ZBTB7C: variants seen among roughly 807,000 people sequenced by gnomAD.
ZBTB7C encodes zinc finger and BTB domain-containing protein 7C.
A neutral mutation model predicts 25.7 loss-of-function variants in ZBTB7C; 8 were observed. That is an observed-to-expected ratio of 0.31 (90% CI 0.18 to 0.56). The LOEUF (loss-of-function observed/expected upper bound fraction) is 0.56. ZBTB7C is among the 20% of genes least tolerant of loss of function. The pLI is 0.91. For synonymous variants in ZBTB7C, 394 were observed against 369.0 expected (o/e 1.07, Z -0.78); for missense variants, 824 against 855.2 (o/e 0.96, Z 0.46).
chr18:48,377,408 G>C (rs185594580), intron 1 of ZBTB7C, among the ~76,000 whole-genome samples: 43 of 152,272 alleles, frequency 2.8e-4, no homozygotes, highest in East Asian at 5.8e-4. Flanking sequence ...CTTGGGGAAG[G>C]GGGTGGGAGA....
At position 48,110,364 on chromosome 18, in the gene ZBTB7C, G is replaced by A. The variant is rs1012662192; in HGVS notation, c.-16-69241C>T. 7.2e-5 allele frequency among the ~76,000 whole-genome samples: 11 copies of A among 152,070 alleles called. No homozygotes were observed. The East Asian group carries it at 1.3e-3, about 19-fold the overall frequency. On this transcript the variant is annotated intron_variant, in intron 3 of 4. Coordinates refer to ENST00000590800, the MANE Select transcript of ZBTB7C (RefSeq NM_001318841.2). ...TTCAAAGAGCCGCACTCTAAAAGCC[G>A]CTTCTTCCTGGGCACCTCTTAGCCA...
intron 2 of ZBTB7C, among the ~76,000 whole-genome samples, chr18:48,287,814 T>C (rs763331096): frequency 6.6e-6 from 1 of 152,236 alleles, no homozygotes; most frequent in Non-Finnish European, 1.5e-5. Flanking sequence ...ACTAATCATA[T>C]AGTCATCTTA....
At chr18:48,260,741 C>A (rs1242769730) in intron 2 of ZBTB7C, among the ~76,000 whole-genome samples, 1 of 152,194 alleles carries the variant, frequency 6.6e-6, no homozygotes, top group Non-Finnish European at 1.5e-5. Context: ...GCACAAGACA[C>A]CAGTGAAGGC....
chr18:48,103,469 C>T (rs1196621208), intron 3 of ZBTB7C, among the ~76,000 whole-genome samples: 1 of 152,070 alleles, frequency 6.6e-6, no homozygotes. Context: ...GAATCCATCC[C>T]CAGCAACAAA....
Position 48,040,843 on chromosome 18 carries a change from G to C in ZBTB7C, c.265C>G (p.Leu89Val). Reference sequence around the variant, plus strand: ...AGCGTGGAGGTGTAGGCGAACTCCAGGATAGCAGCCAGAGCCTCAGGCTGG... The same window carrying C: ...AGCGTGGAGGTGTAGGCGAACTCCACGATAGCAGCCAGAGCCTCAGGCTGG... ...FVQPEALAAI[L>V]EFAYTSTLTI... Residue 89 changes from leucine (L) to valine (V), a missense_variant, in exon 4 of 5, where the codon CTG becomes GTG. Leu to Val is a conservative substitution (Grantham distance 32, BLOSUM62 1). Transcript: ENST00000590800. The C allele has an allele frequency of 6.2e-7, 1 of 1,614,086 alleles. No individual in the cohort carries two copies. The highest frequency in any genetic ancestry group is 8.5e-7 in the Non-Finnish European group (1 of 1,179,994).
At chr18:48,206,674 T>C (rs1423483858) in intron 2 of ZBTB7C, among the ~76,000 whole-genome samples, 1 of 151,944 alleles carries the variant, frequency 6.6e-6, no homozygotes. Context: ...AACAAACAAA[T>C]AAATAAAGTT....
chr18:48,037,244 AG>A, intron 4 of ZBTB7C, among the ~76,000 whole-genome samples: 1 of 152,358 alleles, frequency 6.6e-6, no homozygotes, highest in East Asian at 1.9e-4. Flanking sequence ...AGCTGGAGAC[AG>A]GCCTGGGGCC....
At chr18:48,214,260 A>G (rs1012133912) in intron 2 of ZBTB7C, among the ~76,000 whole-genome samples, 3 of 152,158 alleles carry the variant, frequency 2.0e-5, no homozygotes, top group Non-Finnish European at 2.9e-5. Flanking sequence ...TCATTTTCCC[A>G]AACTGAAACT....
intron 2 of ZBTB7C, among the ~76,000 whole-genome samples, chr18:48,320,985 C>A (rs1298564634): frequency 6.6e-6 from 1 of 152,254 alleles, no homozygotes; most frequent in Non-Finnish European, 1.5e-5. Context: ...TGTGGCCAGA[C>A]TGTCAGAGCC....
intron 3 of ZBTB7C, among the ~76,000 whole-genome samples, chr18:48,108,972 A>G (rs1423494607): frequency 6.6e-6 from 1 of 152,036 alleles, no homozygotes; most frequent in Non-Finnish European, 1.5e-5. Flanking sequence ...GGGGTAAGGA[A>G]GGGGGGCTCT....
intron 1 of ZBTB7C, among the ~76,000 whole-genome samples, chr18:48,351,620 C>G (rs916632049): frequency 6.6e-6 from 1 of 152,230 alleles, no homozygotes; most frequent in African/African-American, 2.4e-5. Flanking sequence ...GCTCTTAATC[C>G]ATTCCTGGTG....
chr18:48,266,803 T>C (rs1053115717), intron 2 of ZBTB7C, among the ~76,000 whole-genome samples: 9 of 151,992 alleles, frequency 5.9e-5, no homozygotes, highest in South Asian at 4.2e-4. Flanking sequence ...CAGGTAGCTA[T>C]ATAGAATGGA....
At chr18:48,292,999 C>G (rs2045278301) in intron 2 of ZBTB7C, among the ~76,000 whole-genome samples, 1 of 152,224 alleles carries the variant, frequency 6.6e-6, no homozygotes, top group Non-Finnish European at 1.5e-5. Flanking sequence ...ATATCAGCTC[C>G]TTGAGACAGG....
intron 3 of ZBTB7C, among the ~76,000 whole-genome samples, chr18:48,131,480 T>TTG (rs2039984221): frequency 6.6e-6 from 1 of 151,994 alleles, no homozygotes; most frequent in Non-Finnish European, 1.5e-5. Flanking sequence ...GTTTTTTTTT[T>TTG]TGTGTGTAAT....
chr18:48,367,232 C>T (rs1267003076), intron 1 of ZBTB7C, among the ~76,000 whole-genome samples: 12 of 87,208 alleles, frequency 1.4e-4, no homozygotes, highest in African/African-American at 3.7e-4. Context: ...CACACACACA[C>T]ATACATACAC....
At chr18:48,035,621 C>CG (rs1209922266) in intron 4 of ZBTB7C, among the ~76,000 whole-genome samples, 1 of 152,210 alleles carries the variant, frequency 6.6e-6, no homozygotes, top group Non-Finnish European at 1.5e-5. Context: ...AAAAGGTGTG[C>CG]GGGGGCCACC....
chr18:48,070,973 T>TA (rs772209477), intron 3 of ZBTB7C, among the ~76,000 whole-genome samples: 18 of 152,220 alleles, frequency 1.2e-4, no homozygotes, highest in Non-Finnish European at 2.6e-4. Flanking sequence ...GAAATCACTT[T>TA]ATGTTGTATC....
At chr18:48,032,422 GTTTTTTTTTTTTTTTT>G (rs71165309) in intron 4 of ZBTB7C, among the ~76,000 whole-genome samples, 8 of 65,060 alleles carry the variant, frequency 1.2e-4, no homozygotes, top group East Asian at 5.1e-4. Context: ...GACAAGGTAG[GTTTTTTTTTTTTTTTT>G]TTTTTTTTTT....
intron 2 of ZBTB7C, among the ~76,000 whole-genome samples, chr18:48,211,612 G>T (rs1039695959): frequency 1.3e-5 from 2 of 152,122 alleles, no homozygotes; most frequent in African/African-American, 4.8e-5. Context: ...TGTCATTAAG[G>T]AATTGCAAAT....
Sources: allele counts gnomAD v4.1 joint callset (sites outside exome capture counted in the v4.1 genomes callset), GRCh38; gene constraint gnomAD v4.1.1; transcripts MANE v1.5; gene names NCBI Gene and HGNC (gene_info 2026-07-23, HGNC 2026-07-21).